TTLL13: variants seen among roughly 807,000 people sequenced by gnomAD.
TTLL13 encodes tubulin polyglutamylase TTLL13.
chr15:90,264,743 G>A, the TTLL13 span: 2 of 1,536,094 alleles, frequency 1.3e-6, no homozygotes, highest in Non-Finnish European at 1.7e-6. Flanking sequence ...CAGAAGGCTA[G>A]AAGCCATAAA....
the TTLL13 span, among the ~76,000 whole-genome samples, chr15:90,256,577 C>CTTTCTTTCTTTCT: frequency 5.3e-5 from 3 of 56,854 alleles, no homozygotes; most frequent in Non-Finnish European, 9.8e-5. Flanking sequence ...TTCTTTCTTT[C>CTTTCTTTCTTTCT]TTTCTTTCTT....
At chr15:90,256,082 C>T in the TTLL13 span, 82 of 1,589,536 alleles carry the variant, frequency 5.2e-5, no homozygotes, top group Middle Eastern at 1.7e-4. Flanking sequence ...GAGCTCCATG[C>T]GGCCCCGGGA....
At chr15:90,263,942 T>C in the TTLL13 span, 67 of 1,529,642 alleles carry the variant, frequency 4.4e-5, no homozygotes, top group African/African-American at 8.4e-4. Flanking sequence ...CGGTACCATC[T>C]GCAGCCCAAG....
chr15:90,264,723 G>A, the TTLL13 span: 2 of 1,535,902 alleles, frequency 1.3e-6, no homozygotes, highest in Non-Finnish European at 1.7e-6. Flanking sequence ...ACTGCAGAAG[G>A]ACAAGCCAGC....
At chr15:90,265,333 A>C in the TTLL13 span, 2 of 1,223,016 alleles carry the variant, frequency 1.6e-6, no homozygotes, top group Non-Finnish European at 2.0e-6. Context: ...TGCCCAAGGC[A>C]CTGGGCTGTC....
At chr15:90,253,262 C>T in the TTLL13 span, 28 of 1,613,724 alleles carry the variant, frequency 1.7e-5, no homozygotes, top group Non-Finnish European at 2.1e-5. Context: ...GTCGGGCAGC[C>T]CAAATGTGTG....
the TTLL13 span, among the ~76,000 whole-genome samples, chr15:90,260,446 G>C: frequency 6.6e-6 from 1 of 152,346 alleles, no homozygotes; most frequent in South Asian, 2.1e-4. Flanking sequence ...ATAGCGAACT[G>C]AGACTGCATC....
chr15:90,250,063 T>C, the TTLL13 span, among the ~76,000 whole-genome samples: 20 of 151,972 alleles, frequency 1.3e-4, no homozygotes, highest in South Asian at 3.7e-3. Context: ...GTTCAAGTGA[T>C]TCTCCTCCCT....
chr15:90,257,940 C>G, the TTLL13 span: 2 of 1,209,658 alleles, frequency 1.7e-6, no homozygotes, highest in African/African-American at 3.0e-5. Context: ...CCTTCAAAGC[C>G]CGGGCATGCA....
the TTLL13 span, among the ~76,000 whole-genome samples, chr15:90,260,169 A>G: frequency 6.6e-6 from 1 of 152,238 alleles, no homozygotes; most frequent in East Asian, 1.9e-4. Flanking sequence ...TAAACAAAAT[A>G]CAATCGTACA....
chr15:90,265,049 C>A, the TTLL13 span: 3 of 1,434,984 alleles, frequency 2.1e-6, no homozygotes, highest in Non-Finnish European at 2.8e-6. Flanking sequence ...AAATGAATGA[C>A]TGCCACCAAG....
At chr15:90,256,545 T>TTTC in the TTLL13 span, among the ~76,000 whole-genome samples, 11 of 105,390 alleles carry the variant, frequency 1.0e-4, no homozygotes, top group African/African-American at 2.3e-4. Flanking sequence ...TCTCCTTCCT[T>TTTC]TTTCTTTCTT....
the TTLL13 span, chr15:90,256,255 C>A: frequency 9.9e-6 from 16 of 1,614,090 alleles, no homozygotes; most frequent in East Asian, 3.3e-4. Flanking sequence ...CCCGGGAGAT[C>A]AAGCCAGGAG....
At chr15:90,263,949 C>G in the TTLL13 span, 1 of 1,534,684 alleles carries the variant, frequency 6.5e-7, no homozygotes. Flanking sequence ...ATCTGCAGCC[C>G]AAGAACTTCA....
At chr15:90,264,088 T>G in the TTLL13 span, 14 of 1,390,240 alleles carry the variant, frequency 1.0e-5, no homozygotes, top group Non-Finnish European at 1.4e-5. Flanking sequence ...TTTGGTCATT[T>G]TGACATATGT....
chr15:90,257,425 GTGTT>G, the TTLL13 span: 1 of 1,277,438 alleles, frequency 7.8e-7, no homozygotes, highest in East Asian at 2.4e-5. Context: ...TGGGAGGCAA[GTGTT>G]TGGTAGGTGG....
chr15:90,262,119 C>G, the TTLL13 span: 3 of 1,535,944 alleles, frequency 2.0e-6, no homozygotes, highest in Non-Finnish European at 2.6e-6. Flanking sequence ...GAGAAGTATG[C>G]CCGCTTCTTC....
At chr15:90,256,565 CTTTCTT>C in the TTLL13 span, among the ~76,000 whole-genome samples, 1 of 39,422 alleles carries the variant, frequency 2.5e-5, no homozygotes, top group Non-Finnish European at 4.8e-5. Flanking sequence ...TTCTTTCTTT[CTTTCTT>C]TCTTTCTTTC....
chr15:90,257,861 CT>C, the TTLL13 span: 1 of 959,964 alleles, frequency 1.0e-6, no homozygotes, highest in Non-Finnish European at 1.6e-6. Context: ...TGTGCCTGCA[CT>C]TTGGAGCTCT....
Sources: allele counts gnomAD v4.1 joint callset (sites outside exome capture counted in the v4.1 genomes callset), GRCh38; gene constraint gnomAD v4.1.1; transcripts MANE v1.5; gene names NCBI Gene and HGNC (gene_info 2026-07-23, HGNC 2026-07-21).